The following MDFIC2 variants were observed in gnomAD, a reference collection of about 807,000 sequenced individuals.
MDFIC2 encodes the protein MyoD family inhibitor domain containing 2, also known as myoD family inhibitor domain-containing protein 2.
At chr3:70,220,770 A>G (rs1701454638) in intron 2 of MDFIC2, among the ~76,000 whole-genome samples, 1 of 152,182 alleles carries the variant, frequency 6.6e-6, no homozygotes, top group South Asian at 2.1e-4. Flanking sequence ...GCCCACCCTT[A>G]TGAAGATTTC....
intron 2 of MDFIC2, among the ~76,000 whole-genome samples, chr3:70,213,516 G>T (rs1701370399): frequency 6.6e-6 from 1 of 152,052 alleles, no homozygotes; most frequent in South Asian, 2.1e-4. Flanking sequence ...ATTTAGTACT[G>T]TAGTTATCCG....
chr3:70,264,829 T>A (rs1559548596), intron 2 of MDFIC2, among the ~76,000 whole-genome samples: 1 of 152,228 alleles, frequency 6.6e-6, no homozygotes, highest in East Asian at 1.9e-4. Flanking sequence ...ACATCGGGGA[T>A]GTATTAGTCT....
chr3:70,259,420 A>C (rs1049300842), intron 2 of MDFIC2, among the ~76,000 whole-genome samples: 1 of 152,058 alleles, frequency 6.6e-6, no homozygotes, highest in Non-Finnish European at 1.5e-5. Flanking sequence ...GACTTTTAAA[A>C]AAAAAAAAGA....
chr3:70,298,119 C>T (rs1226845388), intron 2 of MDFIC2, among the ~76,000 whole-genome samples: 1 of 151,874 alleles, frequency 6.6e-6, no homozygotes, highest in Non-Finnish European at 1.5e-5. Context: ...GATGGTTTGA[C>T]CAGATAAGGA....
chr3:70,262,653 T>C (rs1260891886), intron 2 of MDFIC2, among the ~76,000 whole-genome samples: 1 of 152,180 alleles, frequency 6.6e-6, no homozygotes, highest in African/African-American at 2.4e-5. Context: ...ACTCTCAAAT[T>C]TTACACTTGT....
intron 3 of MDFIC2, chr3:70,205,772 T>G (rs929416023): frequency 1.3e-5 from 2 of 152,146 alleles, no homozygotes; most frequent in African/African-American, 2.4e-5. Context: ...TATTTAAATG[T>G]AGACCAGAAA....
At chr3:70,262,960 A>T (rs973862368) in intron 2 of MDFIC2, among the ~76,000 whole-genome samples, 1 of 152,078 alleles carries the variant, frequency 6.6e-6, no homozygotes, top group African/African-American at 2.4e-5. Context: ...TCCTATCTGT[A>T]TTGTCTAACC....
chr3:70,297,061 G>A (rs1275350273), intron 2 of MDFIC2, among the ~76,000 whole-genome samples: 5 of 151,814 alleles, frequency 3.3e-5, no homozygotes, highest in African/African-American at 1.2e-4. Context: ...ATGAATTAAG[G>A]AATATATTAT....
intron 2 of MDFIC2, among the ~76,000 whole-genome samples, chr3:70,213,177 T>C (rs770655126): frequency 3.9e-4 from 60 of 151,934 alleles, no homozygotes; most frequent in Non-Finnish European, 6.9e-4. Flanking sequence ...TCTTGATATG[T>C]TCCCAGGCTG....
At chr3:70,261,888 C>T (rs1401354848) in intron 2 of MDFIC2, among the ~76,000 whole-genome samples, 1 of 152,074 alleles carries the variant, frequency 6.6e-6, no homozygotes, top group East Asian at 1.9e-4. Flanking sequence ...CAAGAAGATC[C>T]GGGGCTGAAA....
At chr3:70,213,048 A>G (rs568175158) in intron 2 of MDFIC2, among the ~76,000 whole-genome samples, 16 of 152,028 alleles carry the variant, frequency 1.1e-4, no homozygotes, top group Non-Finnish European at 2.2e-4. Context: ...GGCTCAAGGG[A>G]TTCACCTGCC....
intron 2 of MDFIC2, chr3:70,283,983 C>A (rs996335133): frequency 6.6e-6 from 1 of 152,080 alleles, no homozygotes; most frequent in Non-Finnish European, 1.5e-5. Context: ...TCCCACCACC[C>A]TACTGTCATA....
chr3:70,268,430 G>A (rs745781204), intron 2 of MDFIC2, among the ~76,000 whole-genome samples: 2 of 134,636 alleles, frequency 1.5e-5, no homozygotes, highest in African/African-American at 5.8e-5. Context: ...AGCAGAGATC[G>A]CATCACTGCA....
intron 2 of MDFIC2, among the ~76,000 whole-genome samples, chr3:70,289,277 T>C (rs1702202471): frequency 6.6e-6 from 1 of 151,580 alleles, no homozygotes; most frequent in African/African-American, 2.4e-5. Context: ...TCTCTCAGCA[T>C]TTGCTTGTCT....
intron 2 of MDFIC2, among the ~76,000 whole-genome samples, chr3:70,211,423 G>T (rs1192761477): frequency 3.3e-3 from 24 of 7,216 alleles, no homozygotes; most frequent in Non-Finnish European, 5.2e-3. Flanking sequence ...CCTTCCCTTT[G>T]CCCTTCCCTT....
chr3:70,254,657 A>G (rs532578491), intron 2 of MDFIC2, among the ~76,000 whole-genome samples: 6 of 152,290 alleles, frequency 3.9e-5, no homozygotes, highest in African/African-American at 1.2e-4. Flanking sequence ...GAAGTTTACT[A>G]TTTAAGTTTA....
intron 2 of MDFIC2, among the ~76,000 whole-genome samples, chr3:70,256,140 T>G (rs1559546355): frequency 6.6e-6 from 1 of 152,228 alleles, no homozygotes; most frequent in Non-Finnish European, 1.5e-5. Context: ...TCTATTGCTT[T>G]CCCCATGGTT....
intron 2 of MDFIC2, among the ~76,000 whole-genome samples, chr3:70,257,850 A>G (rs995643053): frequency 6.6e-6 from 1 of 152,164 alleles, no homozygotes; most frequent in African/African-American, 2.4e-5. Flanking sequence ...ACACAACAGA[A>G]AGGCTTTTAC....
intron 3 of MDFIC2, among the ~76,000 whole-genome samples, chr3:70,202,751 C>T (rs2106721221): frequency 6.6e-6 from 1 of 152,226 alleles, no homozygotes; most frequent in African/African-American, 2.4e-5. Flanking sequence ...GACATGGAGG[C>T]TGTGATGAGC....
Sources: gnomAD v4.1 joint callset for allele counts (sites outside exome capture counted in the v4.1 genomes callset) on GRCh38, gnomAD v4.1.1 for gene constraint, MANE v1.5 for transcripts, NCBI Gene and HGNC (gene_info 2026-07-23, HGNC 2026-07-21) for gene names.